SPATA17: variants seen among roughly 807,000 people sequenced by gnomAD.
The protein encoded by SPATA17 is spermatogenesis associated 17.
In SPATA17, 53 loss-of-function variants were observed where a neutral mutation model predicts 62.2. The ratio of observed to expected loss-of-function variants is 0.85; its 90% CI spans 0.68 to 1.07. SPATA17 has a LOEUF of 1.07. Among genes scored for constraint, SPATA17 ranks in the 50% least tolerant of loss-of-function variants. The pLI is 0.00. For synonymous variants in SPATA17, 146 were observed against 146.8 expected, an observed-to-expected ratio of 0.99 and a Z score of 0.04; for missense variants, 466 against 425.5, an observed-to-expected ratio of 1.10 and a Z score of -0.84.
intron 5 of SPATA17, among the ~76,000 whole-genome samples, chr1:217,727,708 C>A (rs1296285473): frequency 6.6e-6 from 1 of 152,104 alleles, no homozygotes; most frequent in Non-Finnish European, 1.5e-5. Flanking sequence ...CAGTAATATT[C>A]TGGCATTATC....
chr1:217,749,927 GA>G (rs909695843), intron 6 of SPATA17, among the ~76,000 whole-genome samples: 2 of 135,310 alleles, frequency 1.5e-5, no homozygotes, highest in Non-Finnish European at 3.1e-5. Flanking sequence ...ATATCCTAGA[GA>G]AATTTGTCAT....
intron 1 of SPATA17, among the ~76,000 whole-genome samples, chr1:217,642,121 C>G (rs531460523): frequency 1.3e-5 from 2 of 152,274 alleles, no homozygotes; most frequent in African/African-American, 4.8e-5. Context: ...TCAATGCATC[C>G]TACCAGATAC....
chr1:217,784,927 C>T (rs1284876696), intron 8 of SPATA17: 2 of 152,034 alleles, frequency 1.3e-5, no homozygotes, highest in African/African-American at 4.8e-5. Flanking sequence ...TAGCAAAGTA[C>T]CACAAACGGA....
rs148206380 is a variant in SPATA17, at chr1:217,822,541, T to C, written c.1005+20691T>C. ...TGTCTTTCACCAAACTGGAAAAATC[T>C]TAGCCACTATATCTTCAAATAGTGC... On this transcript the variant is annotated intron_variant, in intron 9 of 10. Coordinates refer to ENST00000366933, the MANE Select transcript of SPATA17 (RefSeq NM_138796.4). 8.9e-3 allele frequency among the ~76,000 whole-genome samples: 1,342 copies of C among 150,704 alleles called. 64 individuals carry two copies. Among genetic ancestry groups the C allele is most frequent in the Admixed American group, 0.075 (1,128 of 15,048 alleles).
intron 9 of SPATA17, among the ~76,000 whole-genome samples, chr1:217,825,110 A>G (rs183551365): frequency 1.3e-5 from 2 of 151,428 alleles, no homozygotes; most frequent in African/African-American, 4.8e-5. Context: ...AATTCCTAAA[A>G]TATACAAAAC....
rs1191694917 is a variant in SPATA17 at position 217,667,048 on chromosome 1, CTT to C, written c.241-1969_241-1968del. 4.2e-3 allele frequency among the ~76,000 whole-genome samples: 487 copies of C among 115,502 alleles called. 1 individual carries two copies. The highest frequency in any genetic ancestry group is 0.015 in the African/African-American group (437 of 29,390). The allele number at this position is 115,502 out of a possible 152,430, so 75.8% of individuals were successfully genotyped here. A position where few individuals can be genotyped will look rare whatever the true frequency, so the allele number is the denominator to read the frequency against. ...TTTTTGGAATTTTACTTTTTTTTTTCTTTTTTTTTTTTTTTTTGTGACGGAGT... is the reference window on the plus strand; with the variant it reads ...TTTTTGGAATTTTACTTTTTTTTTTCTTTTTTTTTTTTTTTGTGACGGAGT... On this transcript the variant is annotated intron_variant, in intron 3 of 10. Transcript: ENST00000366933.
chr1:217,707,571 G>T (rs1379938700), intron 5 of SPATA17, among the ~76,000 whole-genome samples: 1 of 152,112 alleles, frequency 6.6e-6, no homozygotes, highest in African/African-American at 2.4e-5. Flanking sequence ...ATTTGCCTAT[G>T]AAGAGACTTA....
chr1:217,637,555 G>A (rs1391282220), intron 1 of SPATA17, among the ~76,000 whole-genome samples: 1 of 152,094 alleles, frequency 6.6e-6, no homozygotes, highest in Admixed American at 6.6e-5. Flanking sequence ...CTGATTTCAG[G>A]ATCTATTATT....
chr1:217,771,578 T>C (rs1229860473), intron 6 of SPATA17, among the ~76,000 whole-genome samples: 1 of 152,148 alleles, frequency 6.6e-6, no homozygotes, highest in Non-Finnish European at 1.5e-5. Context: ...GCTCTAGGGA[T>C]TGTGGGAGTG....
intron 5 of SPATA17, among the ~76,000 whole-genome samples, chr1:217,723,360 A>G (rs1672184744): frequency 6.6e-6 from 1 of 152,128 alleles, no homozygotes; most frequent in African/African-American, 2.4e-5. Context: ...GGGGGCCCAT[A>G]AAAGATTTGT....
chr1:217,666,133 T>C lies in SPATA17; in HGVS notation c.241-2900T>C, dbSNP rs140615907. Among the ~76,000 whole-genome samples the C allele has an allele frequency of 2.4e-3, 371 of 152,292 alleles. 1 individual carries two copies. Among genetic ancestry groups the C allele is most frequent in the African/African-American group, 8.3e-3 (344 of 41,574 alleles). ...ATACTTAATTTTCGCCCGAGATCTT[T>C]CATCTTCCCCTTTAAAGTAGACTTG... On this transcript the variant is annotated intron_variant, in intron 3 of 10. Coordinates refer to ENST00000366933, the MANE Select transcript of SPATA17 (RefSeq NM_138796.4).
chr1:217,737,692 G>A (rs985051615), intron 5 of SPATA17, among the ~76,000 whole-genome samples: 1 of 152,106 alleles, frequency 6.6e-6, no homozygotes, highest in African/African-American at 2.4e-5. Flanking sequence ...TCAGCAGACA[G>A]CACTCCTGGC....
chr1:217,711,279 T>C lies in SPATA17; in HGVS notation c.395+27918T>C, dbSNP rs540173714. On this transcript the variant is annotated intron_variant, in intron 5 of 10. Coordinates refer to ENST00000366933, the MANE Select transcript of SPATA17 (RefSeq NM_138796.4). ...AGTACCTTAATAGGTAGTTTTTCAA[T>C]CCGCAGCCCCTTCCCACCCCGCACT... Among the ~76,000 whole-genome samples the C allele has an allele frequency of 5.3e-5, 8 of 152,306 alleles. No individual in the cohort carries two copies. In the South Asian group the frequency reaches 8.3e-4, roughly 16 times the overall value.
At chr1:217,776,370 C>A (rs1673588536) in intron 7 of SPATA17, among the ~76,000 whole-genome samples, 1 of 152,190 alleles carries the variant, frequency 6.6e-6, no homozygotes, top group South Asian at 2.1e-4. Context: ...TGACCATTAA[C>A]TCCCTGAATA....
intron 8 of SPATA17, among the ~76,000 whole-genome samples, chr1:217,793,215 G>GTTTT (rs376041446): frequency 0.048 from 5,493 of 114,568 alleles, 338 homozygotes; most frequent in Middle Eastern, 0.096. Context: ...TAGGGCAGTG[G>GTTTT]TTTTTGTTTT....
intron 10 of SPATA17, among the ~76,000 whole-genome samples, chr1:217,865,926 T>C (rs79176446): frequency 2.2e-3 from 335 of 152,306 alleles, no homozygotes; most frequent in Middle Eastern, 6.8e-3. Flanking sequence ...TGAAAAACAA[T>C]GTACTTTTTC....
intron 6 of SPATA17, among the ~76,000 whole-genome samples, chr1:217,763,917 T>C (rs1270851161): frequency 2.6e-5 from 4 of 152,200 alleles, no homozygotes; most frequent in African/African-American, 9.6e-5. Context: ...ATAGGCTTTA[T>C]ATTTTAGAGC....
intron 9 of SPATA17, among the ~76,000 whole-genome samples, chr1:217,807,328 G>A (rs1309374096): frequency 6.6e-6 from 1 of 151,872 alleles, no homozygotes; most frequent in Non-Finnish European, 1.5e-5. Context: ...CACTATTTGG[G>A]TGATGGGATC....
In SPATA17 at chr1:217,823,325, T is replaced by C. The variant is rs368446052; in HGVS notation, c.1005+21475T>C. 1.2e-3 allele frequency among the ~76,000 whole-genome samples: 183 copies of C among 152,136 alleles called. 1 individual carries two copies. The highest frequency in any genetic ancestry group is 3.9e-3 in the African/African-American group (161 of 41,544). On this transcript the variant is annotated intron_variant, in intron 9 of 10. Coordinates refer to ENST00000366933, the MANE Select transcript of SPATA17 (RefSeq NM_138796.4). ...ACTCAGTCCAGAACTAAGAACGGAA[T>C]GGGTAGATATGCTCAAATTCTCCCT...
Sources: allele counts gnomAD v4.1 joint callset (sites outside exome capture counted in the v4.1 genomes callset), GRCh38; gene constraint gnomAD v4.1.1; transcripts MANE v1.5; gene names NCBI Gene and HGNC (gene_info 2026-07-23, HGNC 2026-07-21).